Variants in THSD7B observed in about 807,000 individuals in gnomAD.
THSD7B encodes the protein thrombospondin type 1 domain containing 7B.
In THSD7B, 138 loss-of-function variants were observed where a neutral mutation model predicts 213.6. The observed-to-expected ratio is 0.65, with a 90% CI of 0.56 to 0.74. The LOEUF (loss-of-function observed/expected upper bound fraction) is 0.74. THSD7B is among the 30% of genes least tolerant of loss of function. The pLI is 0.00. For missense variants in THSD7B, 1,931 were observed against 1,991.5 expected, an observed-to-expected ratio of 0.97 and a Z score of 0.58; for synonymous variants, 742 against 687.0, an observed-to-expected ratio of 1.08 and a Z score of -1.25.
At position 137,405,679 on chromosome 2, in the gene THSD7B, G is replaced by A. The variant is rs764480341; in HGVS notation, c.2567G>A (p.Gly856Asp). 29 of 1,613,420 alleles carry A rather than the reference G, an allele frequency of 1.8e-5. No homozygotes were observed. The highest frequency in any genetic ancestry group is 2.2e-5 in the Non-Finnish European group (26 of 1,179,748). Residue 856 changes from glycine (G) to aspartate (D), a missense_variant, in exon 13 of 28, where the codon GGC becomes GAC. Physicochemically the swap from Gly to Asp is moderately conservative, Grantham distance 94. Transcript: ENST00000409968. ...EMMECLKQTN[G>D]MPLLVQECTV... ...ATGGAATGCCTCAAGCAGACAAACG[G>A]CATGCCTCTCCTTGTGCAAGAATGC...
intron 2 of THSD7B, among the ~76,000 whole-genome samples, chr2:136,947,708 G>T (rs1684968895): frequency 6.6e-6 from 1 of 152,144 alleles, no homozygotes; most frequent in Admixed American, 6.5e-5. Flanking sequence ...TTGATTCTAA[G>T]GTGCATATAA....
intron 10 of THSD7B, among the ~76,000 whole-genome samples, chr2:137,271,385 ATATTATGAAT>A (rs1373236968): frequency 2.1e-5 from 3 of 139,902 alleles, no homozygotes; most frequent in African/African-American, 7.7e-5. Context: ...ATATATATAT[ATATTATGAAT>A]TATATATATA....
At chr2:137,399,058 ACTGT>A (rs1271099952) in intron 12 of THSD7B, among the ~76,000 whole-genome samples, 1 of 151,476 alleles carries the variant, frequency 6.6e-6, no homozygotes, top group African/African-American at 2.4e-5. Context: ...ACCTGCGCCC[ACTGT>A]CTGGCACTCC....
At chr2:137,385,206 T>G (rs760990818) in intron 12 of THSD7B, among the ~76,000 whole-genome samples, 2 of 152,196 alleles carry the variant, frequency 1.3e-5, no homozygotes, top group East Asian at 3.9e-4. Flanking sequence ...AGAAAGAAAC[T>G]AATTAAAATG....
Position 137,618,252 on chromosome 2 carries a change from T to C in THSD7B, c.3566-140T>C, listed in dbSNP as rs1042236499. On this transcript the variant is annotated intron_variant, in intron 18 of 27. Transcript: ENST00000409968. The stretch of plus-strand genomic sequence containing the variant: ...GTTTTGCAATAAGGGCATTGCATGA[T>C]GATTCCCAAAGCTACCTGGAAATGA... The C allele has an allele frequency of 4.6e-6, 3 of 651,994 alleles. No individual in the cohort carries two copies. In the Admixed American group the frequency reaches 9.1e-5, roughly 20 times the overall value. 40.4% of individuals were successfully genotyped at this position (651,994 alleles called of 1,614,324 possible). A position where few individuals can be genotyped will look rare whatever the true frequency, so the allele number is the denominator to read the frequency against.
chr2:136,917,411 C>A (rs74769879), intron 2 of THSD7B, among the ~76,000 whole-genome samples: 1 of 152,162 alleles, frequency 6.6e-6, no homozygotes, highest in South Asian at 2.1e-4. Flanking sequence ...GTTTAGTCTG[C>A]GGACTCACAA....
At chr2:136,962,784 T>C (rs1199173286) in intron 2 of THSD7B, among the ~76,000 whole-genome samples, 1 of 152,176 alleles carries the variant, frequency 6.6e-6, no homozygotes, top group Non-Finnish European at 1.5e-5. Flanking sequence ...TTCTGTGAAA[T>C]ACAACTTCAT....
At chr2:137,329,601 G>A (rs543548066) in intron 12 of THSD7B, among the ~76,000 whole-genome samples, 4 of 152,214 alleles carry the variant, frequency 2.6e-5, no homozygotes, top group Non-Finnish European at 4.4e-5. Flanking sequence ...TCCTGACTTC[G>A]TGATCTGCCC....
chr2:137,431,693 G>A (rs951081500), intron 14 of THSD7B, among the ~76,000 whole-genome samples: 3 of 151,974 alleles, frequency 2.0e-5, no homozygotes, highest in Admixed American at 6.6e-5. Context: ...ATGACACCCC[G>A]GACCCCATAG....
chr2:137,176,451 G>A (rs1404539599), intron 7 of THSD7B, among the ~76,000 whole-genome samples: 2 of 152,138 alleles, frequency 1.3e-5, no homozygotes, highest in Non-Finnish European at 2.9e-5. Context: ...ATCTTATCTT[G>A]CCAACATCTT....
chr2:137,203,813 A>G (rs1284421225), intron 7 of THSD7B, among the ~76,000 whole-genome samples: 1 of 152,002 alleles, frequency 6.6e-6, no homozygotes, highest in Non-Finnish European at 1.5e-5. Flanking sequence ...TTGATTAAAA[A>G]TTTTTAATAG....
chr2:136,808,308 C>T (rs1682321947), intron 1 of THSD7B, among the ~76,000 whole-genome samples: 1 of 152,202 alleles, frequency 6.6e-6, no homozygotes, highest in African/African-American at 2.4e-5. Flanking sequence ...TCCTTACTCC[C>T]TCCAGTGAGG....
intron 3 of THSD7B, among the ~76,000 whole-genome samples, chr2:137,068,050 C>A (rs961226366): frequency 6.6e-6 from 1 of 152,052 alleles, no homozygotes; most frequent in Non-Finnish European, 1.5e-5. Context: ...GTGGTTTCTT[C>A]TCCTGGCTTT....
intron 15 of THSD7B, among the ~76,000 whole-genome samples, chr2:137,498,035 G>A (rs1187506286): frequency 3.3e-5 from 5 of 152,160 alleles, no homozygotes; most frequent in Admixed American, 6.5e-5. Context: ...ACCTCAGCAC[G>A]CTGGCTCTAC....
chr2:137,309,411 G>C (rs1683837009), intron 12 of THSD7B, among the ~76,000 whole-genome samples: 1 of 151,180 alleles, frequency 6.6e-6, no homozygotes, highest in Non-Finnish European at 1.5e-5. Context: ...TATGCTCCCA[G>C]TTTGATATTT....
At chr2:136,998,073 T>C (rs549762315) in intron 2 of THSD7B, among the ~76,000 whole-genome samples, 23 of 152,126 alleles carry the variant, frequency 1.5e-4, no homozygotes, top group African/African-American at 4.1e-4. Context: ...CTGGAGACAC[T>C]GACCACAGAC....
intron 15 of THSD7B, among the ~76,000 whole-genome samples, chr2:137,547,124 G>GA (rs2105201260): frequency 6.6e-6 from 1 of 152,150 alleles, no homozygotes; most frequent in African/African-American, 2.4e-5. Flanking sequence ...GTGGAACTCA[G>GA]AGCCAAGATC....
At chr2:137,317,433 C>A (rs1381005294) in intron 12 of THSD7B, among the ~76,000 whole-genome samples, 1 of 152,186 alleles carries the variant, frequency 6.6e-6, no homozygotes, top group Non-Finnish European at 1.5e-5. Context: ...ACTGGACTAT[C>A]TATTTTTAGA....
chr2:137,159,561 T>C (rs1279219476), intron 5 of THSD7B, among the ~76,000 whole-genome samples: 1 of 152,072 alleles, frequency 6.6e-6, no homozygotes, highest in Non-Finnish European at 1.5e-5. Context: ...TGAAGTGACC[T>C]CCATGTGGGC....
Sources: allele counts gnomAD v4.1 joint callset (sites outside exome capture counted in the v4.1 genomes callset), GRCh38; gene constraint gnomAD v4.1.1; transcripts MANE v1.5; gene names NCBI Gene and HGNC (gene_info 2026-07-23, HGNC 2026-07-21).